Variants in MX1 observed in about 807,000 individuals in gnomAD.
MX1 encodes the protein interferon-induced GTP-binding protein Mx1.
MX1 carries 66 observed loss-of-function variants against 66.4 expected under a neutral mutation model. The ratio of observed to expected loss-of-function variants is 0.99; its 90% confidence interval spans 0.82 to 1.22. The LOEUF (loss-of-function observed/expected upper bound fraction) is 1.22, where lower values mean the gene tolerates loss of function less well. Among genes scored for constraint, MX1 ranks in the 50% most tolerant of loss-of-function variants. The pLI is 0.00. For missense variants in MX1, 787 were observed against 834.3 expected (o/e 0.94, Z 0.70); for synonymous variants, 311 against 318.1 (o/e 0.98, Z 0.24).
chr21:41,452,717 C>T lies in MX1; in HGVS notation c.1606C>T (p.Gln536Ter). 1.2e-6 allele frequency: 2 copies of T among 1,614,162 alleles called. No homozygotes were observed. Among genetic ancestry groups the T allele is most frequent in the Non-Finnish European group, 1.7e-6 (2 of 1,180,022 alleles). ...GGAACAGATTGTCTACTGCCAGGAC[C>T]AGGTATACAGGGGTGCATTGCAGAA... ...QMEQIVYCQD[Q>*]VYRGALQKVR... Residue 536 changes from glutamine to a stop codon, truncating the protein, a stop_gained, in exon 16 of 17, where the codon CAG becomes TAG. Coordinates refer to ENST00000398598, the MANE Select transcript of MX1 (RefSeq NM_002462.5). LOFTEE classifies it high-confidence loss of function.
At chr21:41,447,777 C>T (rs35267802) in intron 13 of MX1, among the ~76,000 whole-genome samples, 28,558 of 151,978 alleles carry the variant, frequency 0.19, 2,858 homozygotes, top group African/African-American at 0.26. Flanking sequence ...ACTCTGTTGC[C>T]CAGGCTGGGG....
chr21:41,437,076 G>A lies in MX1; in HGVS notation c.360G>A (p.Trp120Ter), dbSNP rs764678342. The change falls in exon 7 of 17, where the codon TGG becomes TGA. Residue 120 changes from tryptophan (W) to a stop codon, truncating the protein, a stop_gained. Coordinates refer to ENST00000398598, the MANE Select transcript of MX1 (RefSeq NM_002462.5). LOFTEE classifies it high-confidence loss of function. ...AGAAACTTGTGAACGAAGATAAGTG[G>A]AGAGGCAAGGTCAGTTACCAGGACT... ...KLKKLVNEDK[W>*]RGKVSYQDYE... The A allele has an allele frequency of 1.2e-6, 2 of 1,614,030 alleles. No homozygotes were observed. Among genetic ancestry groups the A allele is most frequent in the Non-Finnish European group, 1.7e-6 (2 of 1,179,924 alleles).
At chr21:41,426,148 G>C (rs1003342633), upstream of MX1, 3 of 168,698 alleles carry the variant, frequency 1.8e-5, no homozygotes, top group African/African-American at 7.2e-5. Context: ...GCCCGGAGCC[G>C]CCCTCAGCAC....
upstream of MX1, chr21:41,422,012 A>T (rs1375904105): frequency 6.6e-6 from 1 of 152,206 alleles, no homozygotes; most frequent in Non-Finnish European, 1.5e-5. Flanking sequence ...GCAACTCCAC[A>T]CCGGGTGCAT....
At chr21:41,438,975 C>G (rs1412682667) in intron 7 of MX1, among the ~76,000 whole-genome samples, 1 of 152,132 alleles carries the variant, frequency 6.6e-6, no homozygotes, top group African/African-American at 2.4e-5. Context: ...TTTGTAAGCA[C>G]ACTTTCTGGA....
intron 11 of MX1, 75 bp from the exon 12 acceptor site, chr21:41,445,373 G>C (rs931726719): frequency 2.1e-5 from 32 of 1,545,194 alleles, no homozygotes; most frequent in Middle Eastern, 3.4e-4. Flanking sequence ...CCTCTGCAGA[G>C]GGAGGCCCGG....
At chr21:41,451,129 T>A (rs1195758330) in intron 14 of MX1, 38 bp from the exon 15 acceptor site, 37 of 1,372,768 alleles carry the variant, frequency 2.7e-5, no homozygotes, top group Non-Finnish European at 3.5e-5. Flanking sequence ...GAACAAATGA[T>A]CCTACCAATA....
At chr21:41,443,028 A>G (rs2090562482) in intron 10 of MX1, among the ~76,000 whole-genome samples, 1 of 152,210 alleles carries the variant, frequency 6.6e-6, no homozygotes, top group African/African-American at 2.4e-5. Context: ...GAAGACAGAC[A>G]GTGGTGATGG....
chr21:41,425,422 G>T (rs59803968), upstream of MX1, among the ~76,000 whole-genome samples: 2,887 of 152,248 alleles, frequency 0.019, 110 homozygotes, highest in African/African-American at 0.065. Flanking sequence ...ATCAGTTAGG[G>T]TGGGGCAGGA....
chr21:41,458,429 C>T (rs1199671148), intron 16 of MX1, 99 bp from the exon 17 acceptor site: 2 of 1,249,584 alleles, frequency 1.6e-6, no homozygotes, highest in Non-Finnish European at 2.2e-6. Context: ...GGGTCTCCCT[C>T]ATTGAGAATC....
chr21:41,432,639 T>C lies in MX1; in HGVS notation c.105+464T>C, dbSNP rs2090253061. ...GCCCCTGGAATCAGTCCAACCTCAG[T>C]TGGTCCCGACGCTGACACTCTCAGC... On this transcript the variant is annotated intron_variant, in intron 5 of 16. Transcript: ENST00000398598. Among the ~76,000 whole-genome samples, 3 of 152,174 alleles carry C rather than the reference T, an allele frequency of 2.0e-5. No individual in the cohort carries two copies. In the South Asian group the frequency reaches 6.2e-4, roughly 32 times the overall value.
Position 41,451,228 on chromosome 21 carries a change from C to T in MX1, c.1494C>T (p.Leu498=), listed in dbSNP as rs200415629. ...AAAATTTTGAAGAGTTTTTTAACCT[C>T]CACAGAACCGCCAAGGTAAAACCAA... ...SIKNFEEFFN[L]HRTAKSKIED... The change falls in exon 15 of 17, where the codon CTC becomes CTT. Residue 498 remains leucine (L), a synonymous_variant. Transcript: ENST00000398598. The T allele has an allele frequency of 2.9e-5, 46 of 1,609,666 alleles. No homozygotes were observed. In the Admixed American group the frequency reaches 5.7e-4, roughly 20 times the overall value.
chr21:41,456,927 A>G (rs954091099), intron 16 of MX1, among the ~76,000 whole-genome samples: 7 of 152,024 alleles, frequency 4.6e-5, no homozygotes, highest in African/African-American at 1.4e-4. Flanking sequence ...ACACTCGGCT[A>G]ATTTTTGTTT....
In MX1 at chr21:41,432,180, G is replaced by A; in HGVS notation, c.105+5G>A. 1.9e-6 allele frequency: 3 copies of A among 1,613,614 alleles called. No individual in the cohort carries two copies. Among genetic ancestry groups the A allele is most frequent in the Non-Finnish European group, 2.5e-6 (3 of 1,179,870 alleles). On this transcript the variant is annotated splice_donor_5th_base_variant and intron_variant, in intron 5 of 16. Transcript: ENST00000398598. ...GCCCAGAAAAATCCAGGCTCGGTAA[G>A]TTGCTCTCTGAAAGTCGCTATCCAT...
Position 41,442,473 on chromosome 21 carries a change from G to A in MX1, c.929+559G>A, listed in dbSNP as rs1016079469. 5.9e-5 allele frequency among the ~76,000 whole-genome samples: 9 copies of A among 152,148 alleles called. No individual in the cohort carries two copies. The East Asian group carries it at 1.5e-3, about 26-fold the overall frequency. ...CAATAAGCATCTCAGAAGAAAGGTA[G>A]GTGAATAGTTTATAAGATTTTTCTA... On this transcript the variant is annotated intron_variant, in intron 10 of 16. Transcript: ENST00000398598.
chr21:41,425,923 G>A (rs1430585705), upstream of MX1: 2 of 152,620 alleles, frequency 1.3e-5, no homozygotes, highest in African/African-American at 2.4e-5. Flanking sequence ...AAACCGACGG[G>A]GGGAAGGACA....
Position 41,458,887 on chromosome 21 carries a change from G to A in MX1, c.*129G>A, listed in dbSNP as rs746630872. 325 of 1,429,382 alleles carry A rather than the reference G, an allele frequency of 2.3e-4. No individual in the cohort carries two copies. The highest frequency in any genetic ancestry group is 2.8e-4 in the Non-Finnish European group (304 of 1,088,162). 88.5% of individuals were successfully genotyped at this position (1,429,382 alleles called of 1,614,324 possible). ...GTCCGTCTCTGCTTATCCGTTAGCC[G>A]TGGTGATTTAGCAGGAAGCTGTGAG... On this transcript the variant is annotated 3_prime_UTR_variant, in exon 17 of 17. Coordinates refer to ENST00000398598, the MANE Select transcript of MX1 (RefSeq NM_002462.5).
At chr21:41,421,666 A>G (rs2089995340), upstream of MX1, among the ~76,000 whole-genome samples, 1 of 152,242 alleles carries the variant, frequency 6.6e-6, no homozygotes, top group African/African-American at 2.4e-5. Flanking sequence ...TTTAACCCTG[A>G]GTGGACACAG....
chr21:41,452,711 C>T lies in MX1; in HGVS notation c.1600C>T (p.Gln534Ter), dbSNP rs2090864504. The stretch of plus-strand genomic sequence containing the variant: ...CCAGATGGAACAGATTGTCTACTGC[C>T]AGGACCAGGTATACAGGGGTGCATT... Reference protein sequence around the residue: ...HFQMEQIVYCQDQVYRGALQK... With the variant: ...HFQMEQIVYC The change falls in exon 16 of 17, where the codon CAG (glutamine) becomes TAG (stop). Residue 534 changes from glutamine to a stop codon, truncating the protein, a stop_gained. Coordinates refer to ENST00000398598, the MANE Select transcript of MX1 (RefSeq NM_002462.5). LOFTEE classifies it high-confidence loss of function. 6.2e-7 allele frequency: 1 copy of T among 1,614,036 alleles called. No homozygotes were observed. Among genetic ancestry groups the T allele is most frequent in the African/African-American group, 1.3e-5 (1 of 74,918 alleles).
Sources: allele counts gnomAD v4.1 joint callset (sites outside exome capture counted in the v4.1 genomes callset), GRCh38; gene constraint gnomAD v4.1.1; transcripts MANE v1.5; gene names NCBI Gene and HGNC (gene_info 2026-07-23, HGNC 2026-07-21).